The following DISC1 variants were observed in gnomAD, a reference collection of about 807,000 sequenced individuals.
DISC1 encodes the protein disrupted in schizophrenia 1 protein.
Under a neutral mutation model 84.5 loss-of-function variants are expected in DISC1, and 57 were observed. The ratio of observed to expected loss-of-function variants is 0.67; its 90% CI spans 0.55 to 0.84. DISC1 has a LOEUF of 0.84. Ranked by LOEUF, DISC1 falls within the 40% of genes least tolerant of loss-of-function variation. DISC1 has a pLI of 0.00. For missense variants in DISC1, 1,000 were observed against 1,057.8 expected (o/e 0.95, Z 0.76); for synonymous variants, 411 against 415.2 (o/e 0.99, Z 0.12).
At chr1:231,952,220 A>G (rs898564650) in intron 9 of DISC1, among the ~76,000 whole-genome samples, 2 of 152,146 alleles carry the variant, frequency 1.3e-5, no homozygotes, top group Non-Finnish European at 2.9e-5. Flanking sequence ...TTAAATCAGT[A>G]GGACTCATAT....
At chr1:231,760,179 T>C (rs945002466) in intron 4 of DISC1, among the ~76,000 whole-genome samples, 1 of 152,190 alleles carries the variant, frequency 6.6e-6, no homozygotes, top group African/African-American at 2.4e-5. Flanking sequence ...ACCCAAATCA[T>C]ATATATATGG....
chr1:231,640,830 T>G (rs2059582522), intron 1 of DISC1, among the ~76,000 whole-genome samples: 1 of 152,188 alleles, frequency 6.6e-6, no homozygotes, highest in Non-Finnish European at 1.5e-5. Context: ...GCCACCACGC[T>G]GTGCCCCTCC....
At chr1:231,888,738 CAAAA>C (rs34003319) in intron 9 of DISC1, among the ~76,000 whole-genome samples, 10 of 54,040 alleles carry the variant, frequency 1.9e-4, no homozygotes, top group South Asian at 7.7e-4. Context: ...GCTCTGTCTC[CAAAA>C]AAAAAAAAAA....
Position 231,990,140 on chromosome 1 carries a change from T to C in DISC1, c.2043-18645T>C, listed in dbSNP as rs1282388702. 3.3e-5 allele frequency among the ~76,000 whole-genome samples: 5 copies of C among 152,124 alleles called. No individual in the cohort carries two copies. The East Asian group carries it at 5.8e-4, about 18-fold the overall frequency. On this transcript the variant is annotated intron_variant, in intron 10 of 12. Coordinates refer to ENST00000439617, the MANE Select transcript of DISC1 (RefSeq NM_018662.3). ...TGTAATACTTAGGGCCACTGAGTTA[T>C]GGGGAAAAAGAGAAATGGATATTTC...
chr1:231,935,172 G>T (rs1056418898), intron 9 of DISC1, among the ~76,000 whole-genome samples: 5 of 152,332 alleles, frequency 3.3e-5, no homozygotes, highest in East Asian at 1.9e-4. Context: ...GTGGCATGTC[G>T]TGAGTGTTTA....
At position 231,782,284 on chromosome 1, in the gene DISC1, G is replaced by C. The variant is rs181848919; in HGVS notation, c.1634+11214G>C. Among the ~76,000 whole-genome samples, 6 of 152,134 alleles carry C rather than the reference G, an allele frequency of 3.9e-5. No individual in the cohort carries two copies. In the East Asian group the frequency reaches 1.2e-3, roughly 29 times the overall value. On this transcript the variant is annotated intron_variant, in intron 6 of 12. Transcript: ENST00000439617. ...TGTTAATTCATTTTGTTCACCAGTGGTCTATTTTTGCCTTTCTTATCCAAT... is the reference window on the plus strand; with the variant it reads ...TGTTAATTCATTTTGTTCACCAGTGCTCTATTTTTGCCTTTCTTATCCAAT...
chr1:231,864,051 A>G (rs1035877655), intron 9 of DISC1, among the ~76,000 whole-genome samples: 12 of 152,194 alleles, frequency 7.9e-5, no homozygotes, highest in Admixed American at 7.9e-4. Context: ...CTTTTTCATA[A>G]ATCCTTTTGC....
At chr1:231,728,078 CTT>C (rs2070986363) in intron 3 of DISC1, among the ~76,000 whole-genome samples, 1 of 151,962 alleles carries the variant, frequency 6.6e-6, no homozygotes, top group Admixed American at 6.6e-5. Context: ...AGTTTTAAAA[CTT>C]GATTTTTTTT....
chr1:231,783,194 G>A (rs1391548874), intron 6 of DISC1, among the ~76,000 whole-genome samples: 1 of 152,146 alleles, frequency 6.6e-6, no homozygotes, highest in Non-Finnish European at 1.5e-5. Context: ...GTGGGGGAAA[G>A]CTCTAGAGCC....
chr1:231,711,415 G>GGACTGCA (rs2067827195), intron 3 of DISC1, among the ~76,000 whole-genome samples: 1 of 146,414 alleles, frequency 6.8e-6, no homozygotes, highest in Non-Finnish European at 1.5e-5. Flanking sequence ...GGTGGAGTGC[G>GGACTGCA]GTGGCGTGAT....
chr1:231,755,212 A>ATT (rs903060975), intron 4 of DISC1, among the ~76,000 whole-genome samples: 4 of 143,792 alleles, frequency 2.8e-5, no homozygotes, highest in Admixed American at 6.9e-5. Context: ...TTTCTTCTTA[A>ATT]TTTTTTTTTT....
At position 231,684,155 on chromosome 1, in the gene DISC1, G is replaced by A. The variant is rs531591173; in HGVS notation, c.68-9671G>A. ...AATTAATAATTAATTTTTAGAGATG[G>A]GGTTTTGCTAACTTGCCCAGGCTGG... On this transcript the variant is annotated intron_variant, in intron 1 of 12. Transcript: ENST00000439617. Among the ~76,000 whole-genome samples, 39 of 151,928 alleles carry A rather than the reference G, an allele frequency of 2.6e-4. 1 individual carries two copies. Among genetic ancestry groups the A allele is most frequent in the Non-Finnish European group, 5.0e-4 (34 of 68,012 alleles).
In DISC1 at chr1:231,630,940, G is replaced by T. The variant is rs147116217; in HGVS notation, c.67+4006G>T. ...ATTTAGCTGTAGAAGGTAGGCAGGG[G>T]CTCACATGGTGTGCACAGCCCCTTA... On this transcript the variant is annotated intron_variant, in intron 1 of 12. Coordinates refer to ENST00000439617, the MANE Select transcript of DISC1 (RefSeq NM_018662.3). The surrounding 1 kb of genome is among the most constrained non-coding windows in gnomAD (Gnocchi z 4.4). 3.3e-4 allele frequency among the ~76,000 whole-genome samples: 51 copies of T among 152,246 alleles called. 1 individual carries two copies. The East Asian group carries it at 9.6e-3, about 29-fold the overall frequency.
At chr1:231,909,631 T>C (rs1558720544) in intron 9 of DISC1, among the ~76,000 whole-genome samples, 1 of 152,228 alleles carries the variant, frequency 6.6e-6, no homozygotes, top group African/African-American at 2.4e-5. Context: ...TCTAAAATTC[T>C]CTTTTTTTTG....
chr1:231,714,328 A>G (rs1241060268), intron 3 of DISC1, among the ~76,000 whole-genome samples: 1 of 152,190 alleles, frequency 6.6e-6, no homozygotes, highest in Non-Finnish European at 1.5e-5. Context: ...AAGGGGTGCC[A>G]TGTCCATTCA....
At chr1:232,026,662 T>G in intron 12 of DISC1, 110 bp downstream of exon 12, 1 of 755,262 alleles carries the variant, frequency 1.3e-6, no homozygotes, top group Middle Eastern at 3.1e-4. Flanking sequence ...GATGCTGCCG[T>G]TATTTATAGC....
Position 231,844,241 on chromosome 1 carries a change from C to T in DISC1, c.1981+25724C>T, listed in dbSNP as rs141840907. ...TGTGCAGAGCCCATGGTTTTCACAG[C>T]CCCTCTTCCTTTCAGATTTGATAAT... is the stretch of plus-strand genomic sequence containing the variant. On this transcript the variant is annotated intron_variant, in intron 9 of 12. Coordinates refer to ENST00000439617, the MANE Select transcript of DISC1 (RefSeq NM_018662.3). Among the ~76,000 whole-genome samples, 1,137 of 152,306 alleles carry T rather than the reference C, an allele frequency of 7.5e-3. 11 individuals are homozygous for T. The highest frequency in any genetic ancestry group is 0.011 in the Non-Finnish European group (754 of 68,020).
intron 9 of DISC1, among the ~76,000 whole-genome samples, chr1:231,948,808 G>A (rs1239395289): frequency 6.6e-6 from 1 of 151,658 alleles, no homozygotes; most frequent in Admixed American, 6.6e-5. Flanking sequence ...GCAGGTCCAA[G>A]GGCTATTCTA....
chr1:231,894,542 T>G (rs959914648), intron 9 of DISC1, among the ~76,000 whole-genome samples: 1 of 152,190 alleles, frequency 6.6e-6, no homozygotes, highest in African/African-American at 2.4e-5. Flanking sequence ...AGTTCTTTCC[T>G]ACTCCCAGGA....
Sources: gnomAD v4.1 joint callset for allele counts (sites outside exome capture counted in the v4.1 genomes callset) on GRCh38, gnomAD v4.1.1 for gene constraint, Gnocchi (gnomAD v3.1) non-coding constraint, MANE v1.5 for transcripts, NCBI Gene and HGNC (gene_info 2026-07-23, HGNC 2026-07-21) for gene names.